The following RNF213 variants were observed in gnomAD, a reference collection of about 807,000 sequenced individuals.
RNF213 encodes E3 ubiquitin-protein ligase RNF213.
A neutral mutation model predicts 514.4 loss-of-function variants in RNF213; 341 were observed. That is an observed-to-expected ratio of 0.66 (90% CI 0.61 to 0.73). The LOEUF (loss-of-function observed/expected upper bound fraction) is 0.73. RNF213 is among the 30% of genes least tolerant of loss of function. RNF213 has a pLI of 0.00. For missense variants in RNF213, 5,767 were observed against 6,615.6 expected, an observed-to-expected ratio of 0.87 and a Z score of 4.45; for synonymous variants, 2,655 against 2,658.2, an observed-to-expected ratio of 1.00 and a Z score of 0.04.
At position 80,298,526 on chromosome 17, in the gene RNF213, G is replaced by A. The variant is rs768800185; in HGVS notation, c.2210+8G>A. 32 of 1,613,928 alleles carry A rather than the reference G, an allele frequency of 2.0e-5. No individual in the cohort carries two copies. The highest frequency in any genetic ancestry group is 4.0e-5 in the African/African-American group (3 of 74,920). On this transcript the variant is annotated splice_region_variant and intron_variant, in intron 11 of 67. Transcript: ENST00000582970. ...GGAACAAATGCTAGATACGTAAGTC[G>A]TAGAGTTGTGCTTATCTACATGAAT...
intron 8 of RNF213, among the ~76,000 whole-genome samples, chr17:80,294,241 C>T (rs1357567812): frequency 6.6e-6 from 1 of 152,202 alleles, no homozygotes. Context: ...GCCATCTGTG[C>T]CAGCTGGGCA....
intron 8 of RNF213, 88 bp from the exon 9 acceptor site, chr17:80,294,632 C>A: frequency 6.8e-7 from 1 of 1,474,836 alleles, no homozygotes; most frequent in Non-Finnish European, 9.5e-7. Flanking sequence ...ATATCTGTAC[C>A]AGTCGTGATC....
At position 80,288,459 on chromosome 17, in the gene RNF213, A is replaced by T; in HGVS notation, c.810+96A>T. The stretch of plus-strand genomic sequence containing the variant: ...CTGGCGTTGCTTCCCTGCCGGGGGG[A>T]GGGGCGTCCTCTGGGCCCTGCTCCC... On this transcript the variant is annotated intron_variant, in intron 4 of 67. Coordinates refer to ENST00000582970, the MANE Select transcript of RNF213 (RefSeq NM_001256071.3). This position sits in a 1 kb window ranked among gnomAD's most constrained non-coding sequence, Gnocchi z 4.9. 6 of 1,592,722 alleles carry T rather than the reference A, an allele frequency of 3.8e-6. No homozygotes were observed. The highest frequency in any genetic ancestry group is 5.1e-6 in the Non-Finnish European group (6 of 1,167,614).
intron 65 of RNF213, 121 bp downstream of exon 65, chr17:80,389,488 A>G: frequency 1.2e-6 from 1 of 852,806 alleles, no homozygotes; most frequent in Non-Finnish European, 1.9e-6. Flanking sequence ...ATGGGGAGAC[A>G]AGAACAACTG....
Position 80,347,731 on chromosome 17 carries a change from T to C in RNF213, c.9396T>C (p.Gly3132=). 1 of 1,614,124 alleles carries C rather than the reference T, an allele frequency of 6.2e-7. No homozygotes were observed. The highest frequency in any genetic ancestry group is 1.3e-5 in the African/African-American group (1 of 75,062). Residue 3132 remains glycine, a synonymous_variant, in exon 29 of 68, where the codon GGT becomes GGC. Transcript: ENST00000582970. The surrounding 1 kb of genome is among the most constrained non-coding windows in gnomAD (Gnocchi z 7.2). ...HLGGQKYVDL[G]LGTHRVKCRV... is the part of the protein sequence containing the mutation. ...GCGGCCAGAAGTACGTGGACCTCGG[T>C]CTGGGGACCCACCGCGTCAAATGTC...
intron 30 of RNF213, 136 bp downstream of exon 30, chr17:80,350,042 TC>T (rs946386906): frequency 3.9e-6 from 4 of 1,015,960 alleles, no homozygotes; most frequent in Admixed American, 4.0e-5. Context: ...GTTAAATCTC[TC>T]CCAGCATCCC....
At chr17:80,381,168 G>C (rs1458226223) in intron 56 of RNF213, 181 bp downstream of exon 56, 1 of 703,750 alleles carries the variant, frequency 1.4e-6, no homozygotes, top group African/African-American at 1.8e-5. Flanking sequence ...ATGGTATGGG[G>C]GGAACTACTC....
At chr17:80,300,846 C>T (rs2045152231) in intron 11 of RNF213, among the ~76,000 whole-genome samples, 1 of 152,144 alleles carries the variant, frequency 6.6e-6, no homozygotes. Context: ...GCCACCATGC[C>T]CGGCCTCATT....
In RNF213 at chr17:80,327,824, G is replaced by A. The variant is rs1372266443; in HGVS notation, c.3202G>A (p.Glu1068Lys). The change falls in exon 19 of 68, where the codon GAG (glutamate) becomes AAG (lysine). Residue 1068 changes from glutamate to lysine, a missense_variant. Coordinates refer to ENST00000582970, the MANE Select transcript of RNF213 (RefSeq NM_001256071.3). ...GTTCTTCATCTATTCAGGAACCGAC[G>A]AGAAAATACTAGCAAATGTCACAGA... is the stretch of plus-strand genomic sequence containing the variant. ...KHVFRLCGTD[E>K]KILANVTEDA... is the part of the protein sequence containing the mutation. 1.0e-5 allele frequency: 16 copies of A among 1,536,142 alleles called. No homozygotes were observed. The highest frequency in any genetic ancestry group is 1.7e-4 in the Middle Eastern group (1 of 5,988).
At position 80,361,924 on chromosome 17, in the gene RNF213, G is replaced by A. The variant is rs147910217; in HGVS notation, c.11355+36G>A. ...AGATACTGGCTAAGGGTCAGGTGTAGAGCTTGCATGATGGGGACTGGATGC... is the reference window on the plus strand; with the variant it reads ...AGATACTGGCTAAGGGTCAGGTGTAAAGCTTGCATGATGGGGACTGGATGC... On this transcript the variant is annotated intron_variant, in intron 39 of 67. Coordinates refer to ENST00000582970, the MANE Select transcript of RNF213 (RefSeq NM_001256071.3). The A allele has an allele frequency of 2.1e-3, 3,349 of 1,600,300 alleles. 7 individuals carry two copies. The highest frequency in any genetic ancestry group is 2.5e-3 in the Non-Finnish European group (2,911 of 1,170,768).
intron 36 of RNF213, among the ~76,000 whole-genome samples, chr17:80,355,763 TGAATGGGAATGGGGGCTC>T (rs2078782123): frequency 1.2e-5 from 1 of 80,980 alleles, no homozygotes; most frequent in African/African-American, 5.4e-5. Flanking sequence ...AGAAGCGGGG[TGAATGGGAATGGGGGCTC>T]ATGGAGGAAA....
intron 22 of RNF213, 198 bp downstream of exon 22, chr17:80,334,468 G>A: frequency 2.0e-6 from 1 of 507,442 alleles, no homozygotes; most frequent in Non-Finnish European, 3.3e-6. Context: ...CCCATGTGCT[G>A]CTGTAAAAGC....
At chr17:80,332,692 G>A in intron 21 of RNF213, 61 bp downstream of exon 21, 1 of 1,441,776 alleles carries the variant, frequency 6.9e-7, no homozygotes, top group Non-Finnish European at 9.1e-7. Flanking sequence ...GCCTCTTCAG[G>A]AGCCATGGGC....
Position 80,354,001 on chromosome 17 carries a change from A to G in RNF213, c.10579-18A>G, listed in dbSNP as rs2078634448. On this transcript the variant is annotated intron_variant, in intron 34 of 67. Transcript: ENST00000582970. ...TGTCAGTGGCAGAAACGGATGACCCAACCGTCTCCACCAACAGGTGTCGAT... is the reference window on the plus strand; with the variant it reads ...TGTCAGTGGCAGAAACGGATGACCCGACCGTCTCCACCAACAGGTGTCGAT... 1.2e-6 allele frequency: 2 copies of G among 1,613,474 alleles called. No homozygotes were observed. Among genetic ancestry groups the G allele is most frequent in the African/African-American group, 2.7e-5 (2 of 74,920 alleles).
At chr17:80,290,214 G>A (rs1382898304) in intron 6 of RNF213, among the ~76,000 whole-genome samples, 1 of 152,242 alleles carries the variant, frequency 6.6e-6, no homozygotes, top group Non-Finnish European at 1.5e-5. Context: ...GGGGGGTGGT[G>A]TGTCACACGT....
chr17:80,269,409 A>G lies in RNF213; in HGVS notation c.98-3832A>G, dbSNP rs543303671. ...CACCTATCCATCTGTCCTATCATCT[A>G]TCCATCCATCCATCCATTCATCTAT... On this transcript the variant is annotated intron_variant, in intron 2 of 67. Transcript: ENST00000582970. 5.3e-5 allele frequency among the ~76,000 whole-genome samples: 8 copies of G among 151,516 alleles called. No homozygotes were observed. In the South Asian group the frequency reaches 8.3e-4, roughly 16 times the overall value.
intron 56 of RNF213, 71 bp from the exon 57 acceptor site, chr17:80,381,476 C>A: frequency 6.6e-7 from 1 of 1,517,568 alleles, no homozygotes; most frequent in Non-Finnish European, 9.1e-7. Context: ...CTCCCAATGG[C>A]CTCTACCAGG....
chr17:80,266,167 C>G (rs1432030221), intron 2 of RNF213, among the ~76,000 whole-genome samples: 6 of 151,356 alleles, frequency 4.0e-5, no homozygotes, highest in Non-Finnish European at 8.8e-5. Flanking sequence ...CCTTACTAGG[C>G]GTGGTGGTTC....
chr17:80,348,526 CAAAT>C (rs1453520166), intron 29 of RNF213, among the ~76,000 whole-genome samples: 1 of 152,252 alleles, frequency 6.6e-6, no homozygotes, highest in Non-Finnish European at 1.5e-5. Context: ...TTCACACCAA[CAAAT>C]AAAGTACCAC....
Sources: gnomAD v4.1 joint callset for allele counts (sites outside exome capture counted in the v4.1 genomes callset) on GRCh38, gnomAD v4.1.1 for gene constraint, Gnocchi (gnomAD v3.1) non-coding constraint, MANE v1.5 for transcripts, NCBI Gene and HGNC (gene_info 2026-07-23, HGNC 2026-07-21) for gene names.